The following RSPH14 variants were observed in gnomAD, a reference collection of about 807,000 sequenced individuals.
RSPH14 encodes the protein radial spoke head 14 homolog, also known as rhabdoid tumor deletion region gene 1.
In RSPH14, 20 loss-of-function variants were observed where a neutral mutation model predicts 26.7. The ratio of observed to expected loss-of-function variants is 0.75; its 90% CI spans 0.53 to 1.09. RSPH14 has a LOEUF of 1.09. RSPH14 is among the 50% of genes least tolerant of loss of function. The pLI is 0.00. For missense variants in RSPH14, 449 were observed against 457.2 expected (o/e 0.98, Z 0.16); for synonymous variants, 177 against 189.3 (o/e 0.93, Z 0.53).
At chr22:23,165,618 CA>C in the RSPH14 span, among the ~76,000 whole-genome samples, 16 of 152,328 alleles carry the variant, frequency 1.1e-4, no homozygotes, top group South Asian at 3.3e-3. Context: ...CAAATCACTC[CA>C]AAACTTCATT....
intron 4 of RSPH14, chr22:23,124,362 G>A (rs891783552): frequency 6.5e-6 from 3 of 459,604 alleles, no homozygotes; most frequent in South Asian, 3.2e-5. Context: ...CTTGCTGAGT[G>A]TAAAAGTTGT....
chr22:23,161,473 G>A, the RSPH14 span: 77 of 1,579,842 alleles, frequency 4.9e-5, no homozygotes, highest in South Asian at 2.0e-4. Context: ...CCTGGTTGAT[G>A]CTAAATTACT....
chr22:23,174,118 C>T, the RSPH14 span, among the ~76,000 whole-genome samples: 8 of 152,138 alleles, frequency 5.3e-5, no homozygotes, highest in Non-Finnish European at 7.3e-5. Context: ...GGGTCCCAGC[C>T]TGTTCTTCCA....
rs10568631 is a variant in RSPH14, at chr22:23,138,946, G to GA, written c.200-5dup. On this transcript the variant is annotated splice_region_variant and splice_polypyrimidine_tract_variant and intron_variant, in intron 2 of 6. Coordinates refer to ENST00000216036, the MANE Select transcript of RSPH14 (RefSeq NM_014433.3). ...GCTTTCAGGTTCTCCATACAGCCTAGAAAAAAAAAAAAAAACAAACAAACC... is the reference window on the plus strand; with the variant it reads ...GCTTTCAGGTTCTCCATACAGCCTAGAAAAAAAAAAAAAAAACAAACAAACC... 0.064 allele frequency: 86,375 copies of GA among 1,340,160 alleles called. 6 individuals are homozygous for GA. Among genetic ancestry groups the GA allele is most frequent in the South Asian group, 0.11 (7,871 of 69,506 alleles). The allele number at this position is 1,340,160 out of a possible 1,614,324, so 83.0% of individuals were successfully genotyped here.
At position 23,059,459 on chromosome 22, in the gene RSPH14, G is replaced by A; in HGVS notation, c.*3C>T. ...TATTCACTCACAGAGGTGAATGAAG[G>A]GCTCAGGGTTTGAACTCGATGACAC... On this transcript the variant is annotated 3_prime_UTR_variant, in exon 7 of 7. Coordinates refer to ENST00000216036, the MANE Select transcript of RSPH14 (RefSeq NM_014433.3). The A allele has an allele frequency of 6.3e-7, 1 of 1,595,486 alleles. No individual in the cohort carries two copies.
Position 23,071,393 on chromosome 22 carries a change from C to T in RSPH14, c.422-7260G>A, listed in dbSNP as rs1250302848. Reference sequence around the variant, plus strand: ...ACAAGAGGATGATGCCAAGCGAGACCAGCGTTCCGCGTAGTCCGTGTTGGG... The same window carrying T: ...ACAAGAGGATGATGCCAAGCGAGACTAGCGTTCCGCGTAGTCCGTGTTGGG... On this transcript the variant is annotated intron_variant, in intron 4 of 6. Transcript: ENST00000216036. This position sits in a 1 kb window ranked among gnomAD's most constrained non-coding sequence, Gnocchi z 4.1. 6.6e-6 allele frequency among the ~76,000 whole-genome samples: 1 copy of T among 152,200 alleles called. No individual in the cohort carries two copies. The highest frequency in any genetic ancestry group is 1.5e-5 in the Non-Finnish European group (1 of 68,042).
the RSPH14 span, among the ~76,000 whole-genome samples, chr22:23,153,297 C>G: frequency 6.6e-6 from 1 of 152,162 alleles, no homozygotes; most frequent in East Asian, 1.9e-4. Context: ...CCAGAGCCCC[C>G]ACATGCTCTG....
upstream of RSPH14, chr22:23,142,077 A>C: frequency 1.0e-6 from 1 of 979,420 alleles, no homozygotes; most frequent in Non-Finnish European, 1.2e-6. Flanking sequence ...ATCAGCACCC[A>C]CTGCGCAGGC....
chr22:23,132,351 C>G (rs1158968151), intron 4 of RSPH14, among the ~76,000 whole-genome samples: 2 of 152,292 alleles, frequency 1.3e-5, no homozygotes, highest in East Asian at 1.9e-4. Context: ...CATCATGCGA[C>G]CAGGCAGGTA....
At chr22:23,161,953 A>G in the RSPH14 span, 5 of 193,914 alleles carry the variant, frequency 2.6e-5, no homozygotes, top group South Asian at 1.0e-4. Flanking sequence ...TCAACCCTGC[A>G]CTCTTTCCCA....
chr22:23,148,764 C>G (rs914011089), upstream of RSPH14, among the ~76,000 whole-genome samples: 7 of 152,232 alleles, frequency 4.6e-5, no homozygotes, highest in Admixed American at 6.5e-5. Context: ...CCTTCATTAT[C>G]ACAGTCTTCC....
chr22:23,108,843 C>T (rs1427266671), intron 4 of RSPH14, among the ~76,000 whole-genome samples: 1 of 152,250 alleles, frequency 6.6e-6, no homozygotes, highest in Non-Finnish European at 1.5e-5. Flanking sequence ...GGTGGTGTCC[C>T]TATTTGGGGA....
At chr22:23,069,854 C>G (rs1165042137) in intron 4 of RSPH14, among the ~76,000 whole-genome samples, 1 of 152,156 alleles carries the variant, frequency 6.6e-6, no homozygotes, top group African/African-American at 2.4e-5. Context: ...GTGCCACTAG[C>G]CCCACTTTGC....
chr22:23,151,140 G>T, the RSPH14 span, among the ~76,000 whole-genome samples: 1 of 152,234 alleles, frequency 6.6e-6, no homozygotes, highest in Non-Finnish European at 1.5e-5. Context: ...GCAGCTAGAG[G>T]TTCCCAAACT....
chr22:23,176,507 C>T, the RSPH14 span, among the ~76,000 whole-genome samples: 6 of 152,144 alleles, frequency 3.9e-5, no homozygotes, highest in South Asian at 4.1e-4. Context: ...TCTATACTAG[C>T]GTTGGCCCCC....
intron 4 of RSPH14, among the ~76,000 whole-genome samples, chr22:23,064,996 C>T (rs2068174962): frequency 6.6e-6 from 1 of 152,168 alleles, no homozygotes; most frequent in South Asian, 2.1e-4. Context: ...GTGCCCTTCC[C>T]TACGGCACGC....
chr22:23,079,301 C>T (rs2068605585), intron 4 of RSPH14, among the ~76,000 whole-genome samples: 1 of 152,212 alleles, frequency 6.6e-6, no homozygotes. Context: ...AAGGAAGGGA[C>T]ATCTGAGCCA....
rs529109868 is a variant in RSPH14, at chr22:23,130,231, G to A, written c.421+3795C>T. Among the ~76,000 whole-genome samples, 10 of 151,426 alleles carry A rather than the reference G, an allele frequency of 6.6e-5. No homozygotes were observed. The South Asian group carries it at 1.2e-3, about 19-fold the overall frequency. ...AGCACTTTGGGAGGCCGAGGCAGGC[G>A]GATCATGAGGTCAGGAGATCGAGAC... is the stretch of plus-strand genomic sequence containing the variant. On this transcript the variant is annotated intron_variant, in intron 4 of 6. Transcript: ENST00000216036.
chr22:23,061,797 C>T lies in RSPH14; in HGVS notation c.790+12G>A. 6.2e-7 allele frequency: 1 copy of T among 1,613,790 alleles called. No homozygotes were observed. The highest frequency in any genetic ancestry group is 8.5e-7 in the Non-Finnish European group (1 of 1,179,976). ...AGGGTCTCCCTCCCTGCGGCACCCCCCACCGCCTCACCTTCAGTGATCACT... is the reference window on the plus strand; with the variant it reads ...AGGGTCTCCCTCCCTGCGGCACCCCTCACCGCCTCACCTTCAGTGATCACT... On this transcript the variant is annotated intron_variant, in intron 6 of 6. Transcript: ENST00000216036.
Sources: gnomAD v4.1 joint callset for allele counts (sites outside exome capture counted in the v4.1 genomes callset) on GRCh38, gnomAD v4.1.1 for gene constraint, Gnocchi (gnomAD v3.1) non-coding constraint, MANE v1.5 for transcripts, NCBI Gene and HGNC (gene_info 2026-07-23, HGNC 2026-07-21) for gene names.